BRD10: variants seen among roughly 807,000 people sequenced by gnomAD.
BRD10 encodes bromodomain containing 10.
At chr9:5,981,896 T>C in the BRD10 span, among the ~76,000 whole-genome samples, 2 of 152,092 alleles carry the variant, frequency 1.3e-5, no homozygotes, top group African/African-American at 4.8e-5. Flanking sequence ...CAGAAAGTTG[T>C]TAAGAGATAA....
the BRD10 span, chr9:5,944,849 G>C: frequency 7.9e-7 from 1 of 1,263,136 alleles, no homozygotes. Context: ...ATAATAGATA[G>C]AACTTTTGGA....
chr9:5,924,751 C>T, the BRD10 span: 4 of 1,606,894 alleles, frequency 2.5e-6, no homozygotes, highest in South Asian at 3.4e-5. Context: ...TTTCCAAGAT[C>T]TCCTTCACCT....
At chr9:5,923,078 C>T in the BRD10 span, 4 of 1,613,976 alleles carry the variant, frequency 2.5e-6, no homozygotes, top group South Asian at 1.1e-5. Context: ...TTCACTGAAA[C>T]AGTCAATCTG....
the BRD10 span, among the ~76,000 whole-genome samples, chr9:5,981,901 A>G: frequency 0.89 from 136,060 of 152,058 alleles, 61,787 homozygotes; most frequent in Non-Finnish European, 0.99. Flanking sequence ...AGTTGTTAAG[A>G]GATAAAAGAC....
chr9:5,991,229 G>A, the BRD10 span, among the ~76,000 whole-genome samples: 1 of 151,794 alleles, frequency 6.6e-6, no homozygotes, highest in African/African-American at 2.4e-5. Flanking sequence ...ACTACTAGAT[G>A]CCATATGTGT....
At chr9:5,972,545 CAGTG>C in the BRD10 span, among the ~76,000 whole-genome samples, 1 of 152,112 alleles carries the variant, frequency 6.6e-6, no homozygotes, top group Non-Finnish European at 1.5e-5. Flanking sequence ...ATTCTCACTG[CAGTG>C]AGTGAGTTCT....
the BRD10 span, among the ~76,000 whole-genome samples, chr9:5,951,787 A>T: frequency 6.6e-6 from 1 of 151,030 alleles, no homozygotes. Context: ...ACTATCTCCT[A>T]TTTTATTAAT....
At chr9:6,005,441 G>A in the BRD10 span, among the ~76,000 whole-genome samples, 7 of 152,308 alleles carry the variant, frequency 4.6e-5, no homozygotes, top group African/African-American at 1.7e-4. Context: ...GGAGGCGGAG[G>A]TTGCAGTGAG....
At chr9:5,911,720 A>T in the BRD10 span, among the ~76,000 whole-genome samples, 1 of 151,586 alleles carries the variant, frequency 6.6e-6, no homozygotes, top group African/African-American at 2.4e-5. Context: ...TTTTTAGTAG[A>T]GACGGGGTTT....
the BRD10 span, among the ~76,000 whole-genome samples, chr9:5,925,553 G>C: frequency 4.6e-5 from 7 of 151,710 alleles, no homozygotes; most frequent in Admixed American, 4.6e-4. Context: ...ATCTTAAAAG[G>C]TCATTTAAAA....
the BRD10 span, chr9:5,908,539 C>A: frequency 2.9e-6 from 3 of 1,046,252 alleles, no homozygotes; most frequent in Non-Finnish European, 4.3e-6. Context: ...AATTTCAGTC[C>A]ACAGGGAAAG....
chr9:5,920,809 TG>T, the BRD10 span: 1 of 1,613,914 alleles, frequency 6.2e-7, no homozygotes, highest in Non-Finnish European at 8.5e-7. Context: ...GAGACACTAC[TG>T]GTTGTGTAGT....
the BRD10 span, among the ~76,000 whole-genome samples, chr9:5,982,360 C>T: frequency 9.2e-5 from 14 of 152,094 alleles, no homozygotes; most frequent in Admixed American, 9.2e-4. Context: ...AGTGCTAGGA[C>T]AGCTGGTTTG....
chr9:5,968,408 C>A, the BRD10 span: 1 of 1,612,622 alleles, frequency 6.2e-7, no homozygotes, highest in Non-Finnish European at 8.5e-7. Context: ...CCTTATTTCA[C>A]CTGGACTAAG....
At chr9:5,905,115 T>G in the BRD10 span, among the ~76,000 whole-genome samples, 1 of 152,158 alleles carries the variant, frequency 6.6e-6, no homozygotes, top group African/African-American at 2.4e-5. Context: ...TCCCTAGAGT[T>G]TGCAACATAC....
the BRD10 span, among the ~76,000 whole-genome samples, chr9:5,918,743 T>C: frequency 6.7e-6 from 1 of 149,566 alleles, no homozygotes; most frequent in South Asian, 2.1e-4. Context: ...GAGGATGGCT[T>C]GAGCTCAGGA....
chr9:6,007,714 CCTT>C, the BRD10 span: 4 of 1,602,670 alleles, frequency 2.5e-6, no homozygotes, highest in Non-Finnish European at 2.5e-6. Context: ...GTCGTCCTCT[CCTT>C]CGGCCGCCGG....
chr9:5,890,319 T>C, the BRD10 span, among the ~76,000 whole-genome samples: 1 of 152,222 alleles, frequency 6.6e-6, no homozygotes, highest in Admixed American at 6.5e-5. Context: ...ATATGTCCCA[T>C]AGAATATGTG....
chr9:5,922,386 T>TA, the BRD10 span: 1 of 1,614,034 alleles, frequency 6.2e-7, no homozygotes, highest in Non-Finnish European at 8.5e-7. Flanking sequence ...TCACTCTGGC[T>TA]AGTCTTAACT....
Sources: allele counts gnomAD v4.1 joint callset (sites outside exome capture counted in the v4.1 genomes callset), GRCh38; gene constraint gnomAD v4.1.1; transcripts MANE v1.5; gene names NCBI Gene and HGNC (gene_info 2026-07-23, HGNC 2026-07-21).